FAM111A: variants seen among roughly 807,000 people sequenced by gnomAD.
FAM111A encodes the protein FAM111 trypsin like peptidase A, also known as serine protease FAM111A.
FAM111A carries 8 observed loss-of-function variants against 3.3 expected under a neutral mutation model. The observed-to-expected ratio is 2.39, with a 90% CI of 1.40 to 4.32. FAM111A has a LOEUF of 4.32. Among genes scored for constraint, FAM111A ranks in the 30% most tolerant of loss-of-function variants. The probability of loss-of-function intolerance (pLI) is 0.00; values close to 1 mark genes in which losing one functional copy is unlikely to be tolerated. For synonymous variants in FAM111A, 227 were observed against 243.1 expected, an observed-to-expected ratio of 0.93 and a Z score of 0.62; for missense variants, 683 against 727.6, an observed-to-expected ratio of 0.94 and a Z score of 0.71.
Position 59,152,946 on chromosome 11 carries a change from T to C in FAM111A, c.1278T>C (p.Phe426=). The part of the protein sequence containing the change: ...ELKDKETNYF[F]VEPWFEIHNE... ...AAGACAAGGAAACAAACTACTTTTT[T>C]GTTGAACCTTGGTTTGAGATACATA... Residue 426 remains phenylalanine (F), a synonymous_variant, in exon 6 of 6, where the codon TTT becomes TTC. Transcript: ENST00000675163. 6.2e-7 allele frequency: 1 copy of C among 1,614,166 alleles called. No homozygotes were observed.
chr11:59,146,677 A>G (rs2135441044), intron 4 of FAM111A, among the ~76,000 whole-genome samples: 1 of 152,358 alleles, frequency 6.6e-6, no homozygotes, highest in East Asian at 1.9e-4. Context: ...CTCTTGTTCC[A>G]TAGTGGAATG....
Position 59,152,770 on chromosome 11 carries a change from G to A in FAM111A, c.1102G>A (p.Gly368Ser). Residue 368 changes from glycine to serine, a missense_variant, in exon 6 of 6, where the codon GGT becomes AGT. By Grantham distance (56) the Gly-to-Ser change is moderately conservative (BLOSUM62 0). Around this residue, in one of 3 missense-constraint regions of FAM111A, gnomAD observed 557 missense variants for 600.2 expected, o/e 0.93. Coordinates refer to ENST00000675163, the MANE Select transcript of FAM111A (RefSeq NM_001312909.2). ...CTTATTCTGGGACAGTGCAACTACGGGTTACGCCACCTGCTTTGTTTTTAA... is the reference window on the plus strand; with the variant it reads ...CTTATTCTGGGACAGTGCAACTACGAGTTACGCCACCTGCTTTGTTTTTAA... ...GYLFWDSATT[G>S]YATCFVFKGL... 1 of 1,614,164 alleles carries A rather than the reference G, an allele frequency of 6.2e-7. No homozygotes were observed. Among genetic ancestry groups the A allele is most frequent in the East Asian group, 2.2e-5 (1 of 44,882 alleles).
Position 59,151,602 on chromosome 11 carries a change from T to C in FAM111A, c.82-148T>C, listed in dbSNP as rs1425056469. ...AGCTCCGCTTTCATTTTGGATCCCA[T>C]GTCAAACACTGATTTAATATTATTC... is the stretch of plus-strand genomic sequence containing the variant. On this transcript the variant is annotated intron_variant, in intron 5 of 5. Coordinates refer to ENST00000675163, the MANE Select transcript of FAM111A (RefSeq NM_001312909.2). The C allele has an allele frequency of 1.2e-5, 7 of 607,344 alleles. No homozygotes were observed. The African/African-American group carries it at 1.3e-4, about 11-fold the overall frequency. 37.6% of individuals were successfully genotyped at this position (607,344 alleles called of 1,614,324 possible).
At position 59,151,051 on chromosome 11, in the gene FAM111A, AT is replaced by A. The variant is rs371278140; in HGVS notation, c.82-690del. ...CGCTGAATTCAGTATTTCAAGAACA[AT>A]TTTTTTTTGCTGTAATTCATTATTG... On this transcript the variant is annotated intron_variant, in intron 5 of 5. Coordinates refer to ENST00000675163, the MANE Select transcript of FAM111A (RefSeq NM_001312909.2). Among the ~76,000 whole-genome samples the A allele has an allele frequency of 4.6e-5, 7 of 151,524 alleles. No homozygotes were observed. In the South Asian group the frequency reaches 1.0e-3, roughly 23 times the overall value.
In FAM111A at chr11:59,153,896, G is replaced by A. The variant is rs1303259469; in HGVS notation, c.*392G>A. ...TTTTTTTTTTTTTTTTGTATTTTTAGTAGAGACAGGGTTTCACCATGTTGG... is the reference window on the plus strand; with the variant it reads ...TTTTTTTTTTTTTTTTGTATTTTTAATAGAGACAGGGTTTCACCATGTTGG... On this transcript the variant is annotated 3_prime_UTR_variant, in exon 6 of 6. Coordinates refer to ENST00000675163, the MANE Select transcript of FAM111A (RefSeq NM_001312909.2). 2 of 146,894 alleles carry A rather than the reference G, an allele frequency of 1.4e-5. No individual in the cohort carries two copies. The highest frequency in any genetic ancestry group is 5.1e-5 in the African/African-American group (2 of 38,984). The allele number at this position is 146,894 out of a possible 1,614,324, so 9.1% of individuals were successfully genotyped here.
At chr11:59,149,113 C>T in intron 5 of FAM111A, 160 bp downstream of exon 5, 1 of 596,474 alleles carries the variant, frequency 1.7e-6, no homozygotes, top group Non-Finnish European at 3.0e-6. Flanking sequence ...CTCCTGTATA[C>T]TTTAAATCAT....
rs1211861233 is a variant in FAM111A, at chr11:59,153,490, G to A, written c.1822G>A (p.Asp608Asn). 1 of 1,604,168 alleles carries A rather than the reference G, an allele frequency of 6.2e-7. No homozygotes were observed. Among genetic ancestry groups the A allele is most frequent in the Admixed American group, 1.7e-5 (1 of 58,862 alleles). ...TCAGCAGGATGTAGAAATGATGAGT[G>A]ATGAGGACTTGTGAGAATTCAGTCT... ...VNQQDVEMMS[D>N]EDL Residue 608 changes from aspartate (D) to asparagine (N), a missense_variant, in exon 6 of 6, where the codon GAT (aspartate) becomes AAT (asparagine). Coordinates refer to ENST00000675163, the MANE Select transcript of FAM111A (RefSeq NM_001312909.2).
Position 59,152,496 on chromosome 11 carries a change from A to G in FAM111A, c.828A>G (p.Ala276=), listed in dbSNP as rs149943652. 2.3e-4 allele frequency: 364 copies of G among 1,614,138 alleles called. 1 individual carries two copies. The African/African-American group carries it at 4.4e-3, about 20-fold the overall frequency. The change falls in exon 6 of 6, where the codon GCA becomes GCG. Residue 276 remains alanine, a synonymous_variant. Coordinates refer to ENST00000675163, the MANE Select transcript of FAM111A (RefSeq NM_001312909.2). The part of the protein sequence containing the change: ...VEVEKRMVPS[A]AASQNPESEK... ...TTGAGAAAAGAATGGTCCCCAGTGCAGCAGCTTCTCAGAATCCTGAGTCAG... is the reference window on the plus strand; with the variant it reads ...TTGAGAAAAGAATGGTCCCCAGTGCGGCAGCTTCTCAGAATCCTGAGTCAG...
At chr11:59,149,459 G>T (rs1355278858) in intron 5 of FAM111A, among the ~76,000 whole-genome samples, 6 of 152,096 alleles carry the variant, frequency 3.9e-5, no homozygotes, top group Non-Finnish European at 8.8e-5. Context: ...TTTGGGGGCG[G>T]CATGGGGAAG....
At position 59,148,759 on chromosome 11, in the gene FAM111A, A is replaced by G; in HGVS notation, c.-76-38A>G. ...CCTAAGGGGAAAGATGGGACGCAGGACACCAGCTAATCTTTTCCTCTGTAC... is the reference window on the plus strand; with the variant it reads ...CCTAAGGGGAAAGATGGGACGCAGGGCACCAGCTAATCTTTTCCTCTGTAC... On this transcript the variant is annotated intron_variant, in intron 4 of 5. Transcript: ENST00000675163. The G allele has an allele frequency of 5.6e-6, 4 of 716,220 alleles. No homozygotes were observed. In the South Asian group the frequency reaches 6.9e-5, roughly 12 times the overall value. 44.4% of individuals were successfully genotyped at this position (716,220 alleles called of 1,614,324 possible).
rs532483825 is a variant in FAM111A at position 59,150,089 on chromosome 11, T to C, written c.81+1136T>C. 3.3e-5 allele frequency among the ~76,000 whole-genome samples: 5 copies of C among 152,334 alleles called. No homozygotes were observed. In the East Asian group the frequency reaches 7.7e-4, roughly 23 times the overall value. On this transcript the variant is annotated intron_variant, in intron 5 of 5. Coordinates refer to ENST00000675163, the MANE Select transcript of FAM111A (RefSeq NM_001312909.2). ...TTATGTTTTTCTCTATCCTATTCCA[T>C]GACAGAGCTAATTACTATATCCTAT...
chr11:59,152,473 G>A lies in FAM111A; in HGVS notation c.805G>A (p.Glu269Lys). Reference sequence around the variant, plus strand: ...AGGCAGATACTTTCAGGTTGAGGTTGAGAAAAGAATGGTCCCCAGTGCAGC... The same window carrying A: ...AGGCAGATACTTTCAGGTTGAGGTTAAGAAAAGAATGGTCCCCAGTGCAGC... ...LEGRYFQVEV[E>K]KRMVPSAAAS... Residue 269 changes from glutamate (E) to lysine (K), a missense_variant, in exon 6 of 6, where the codon GAG (glutamate) becomes AAG (lysine). Physicochemically the swap from Glu to Lys is moderately conservative, Grantham distance 56 (BLOSUM62 1). Coordinates refer to ENST00000675163, the MANE Select transcript of FAM111A (RefSeq NM_001312909.2). 6.2e-7 allele frequency: 1 copy of A among 1,614,114 alleles called. No homozygotes were observed. The highest frequency in any genetic ancestry group is 1.1e-5 in the South Asian group (1 of 91,066).
In FAM111A at chr11:59,153,308, A is replaced by G; in HGVS notation, c.1640A>G (p.Asp547Gly). Residue 547 changes from aspartate (D) to glycine (G), a missense_variant, in exon 6 of 6, where the codon GAT (aspartate) becomes GGT (glycine). Asp to Gly is a moderately conservative substitution (Grantham distance 94, BLOSUM62 -1). Coordinates refer to ENST00000675163, the MANE Select transcript of FAM111A (RefSeq NM_001312909.2). Reference protein sequence around the residue: ...FFGASGSPVFDSKGSLVAMHA... With the variant: ...FFGASGSPVFGSKGSLVAMHA... ...GGGGCTTCCGGCTCCCCTGTGTTTG[A>G]TTCAAAAGGTTCATTGGTGGCCATG... is the stretch of plus-strand genomic sequence containing the variant. 1 of 1,614,150 alleles carries G rather than the reference A, an allele frequency of 6.2e-7. No individual in the cohort carries two copies. Among genetic ancestry groups the G allele is most frequent in the Non-Finnish European group, 8.5e-7 (1 of 1,180,030 alleles).
At chr11:59,148,776 C>G (rs1405108732) in intron 4 of FAM111A, 21 bp from the exon 5 acceptor site, 2 of 835,250 alleles carry the variant, frequency 2.4e-6, no homozygotes, top group Non-Finnish European at 4.0e-6. Context: ...CTAATCTTTT[C>G]CTCTGTACAA....
rs748374095 is a variant in FAM111A, at chr11:59,152,723, G to A, written c.1055G>A (p.Arg352His). 7.4e-6 allele frequency: 12 copies of A among 1,614,054 alleles called. No individual in the cohort carries two copies. The highest frequency in any genetic ancestry group is 3.3e-5 in the Admixed American group (2 of 60,006). ...ATTAAAGTAGTGAAACTTCTTGTACGTCTCAGTGACTCAGTTGGGTACTTA... is the reference window on the plus strand; with the variant it reads ...ATTAAAGTAGTGAAACTTCTTGTACATCTCAGTGACTCAGTTGGGTACTTA... ...SSIKVVKLLVRLSDSVGYLFW... is the reference protein window; with the variant it reads ...SSIKVVKLLVHLSDSVGYLFW... Residue 352 changes from arginine to histidine, a missense_variant, in exon 6 of 6, where the codon CGT becomes CAT. Physicochemically the swap from Arg to His is conservative, Grantham distance 29. Transcript: ENST00000675163.
chr11:59,151,987 G>C lies in FAM111A; in HGVS notation c.319G>C (p.Ala107Pro). Reference sequence around the variant, plus strand: ...TAGTGAGAATAGTAGCTTATATATGGCTCTCAACACTCTCCAGGCTGTCAG... The same window carrying C: ...TAGTGAGAATAGTAGCTTATATATGCCTCTCAACACTCTCCAGGCTGTCAG... Reference protein sequence around the residue: ...THSENSSLYMALNTLQAVRKE... With the variant: ...THSENSSLYMPLNTLQAVRKE... The change falls in exon 6 of 6, where the codon GCT (alanine) becomes CCT (proline). Residue 107 changes from alanine to proline, a missense_variant. Physicochemically the swap from Ala to Pro is conservative, Grantham distance 27. This residue lies in a region of FAM111A where 557 missense variants were observed against 600.2 expected (regional missense o/e 0.93). Transcript: ENST00000675163. 1 of 1,614,132 alleles carries C rather than the reference G, an allele frequency of 6.2e-7. No homozygotes were observed. The highest frequency in any genetic ancestry group is 8.5e-7 in the Non-Finnish European group (1 of 1,180,026).
At chr11:59,143,837 A>G (rs1040006131) in intron 3 of FAM111A, 142 bp downstream of exon 3, 1 of 152,224 alleles carries the variant, frequency 6.6e-6, no homozygotes, top group African/African-American at 2.4e-5. Context: ...GAAAGTTGCA[A>G]ATATCTTTAT....
rs1565206751 is a variant in FAM111A at position 59,152,940 on chromosome 11, C to CT, written c.1278dup (p.Val427CysfsTer2). 1 of 1,614,092 alleles carries CT rather than the reference C, an allele frequency of 6.2e-7. No homozygotes were observed. Among genetic ancestry groups the CT allele is most frequent in the Non-Finnish European group, 8.5e-7 (1 of 1,180,016 alleles). On this transcript the variant is annotated frameshift_variant, in exon 6 of 6. Transcript: ENST00000675163. LOFTEE classifies it low-confidence loss of function (END_TRUNC). ...AGCTAAAAGACAAGGAAACAAACTA[C>CT]TTTTTTGTTGAACCTTGGTTTGAGA...
intron 3 of FAM111A, 58 bp downstream of exon 3, chr11:59,143,753 A>T (rs944491787): frequency 7.2e-5 from 11 of 152,250 alleles, no homozygotes; most frequent in Admixed American, 6.5e-4. Flanking sequence ...TGCCAACTAC[A>T]TTAACCTGAC....
Sources: allele counts gnomAD v4.1 joint callset (sites outside exome capture counted in the v4.1 genomes callset), GRCh38; gene constraint gnomAD v4.1.1; regional missense constraint gnomAD v4.1.1; transcripts MANE v1.5; gene names NCBI Gene and HGNC (gene_info 2026-07-23, HGNC 2026-07-21).